DNAJC10: variants seen among roughly 807,000 people sequenced by gnomAD.
DNAJC10 encodes DnaJ heat shock protein family (Hsp40) member C10.
In DNAJC10, 101 loss-of-function variants were observed where a neutral mutation model predicts 115.0. The observed-to-expected ratio is 0.88, with a 90% CI of 0.75 to 1.04. The LOEUF (loss-of-function observed/expected upper bound fraction) is 1.04. Among genes scored for constraint, DNAJC10 ranks in the 50% least tolerant of loss-of-function variants. The pLI is 0.00. For missense variants in DNAJC10, 981 were observed against 928.8 expected, an observed-to-expected ratio of 1.06 and a Z score of -0.73; for synonymous variants, 307 against 301.5, an observed-to-expected ratio of 1.02 and a Z score of -0.19.
chr2:182,753,790 G>A (rs1332759388), intron 16 of DNAJC10, among the ~76,000 whole-genome samples: 1 of 151,970 alleles, frequency 6.6e-6, no homozygotes, highest in Admixed American at 6.6e-5. Flanking sequence ...TACAGTGTTA[G>A]CCAGGATGGT....
intron 14 of DNAJC10, among the ~76,000 whole-genome samples, chr2:182,746,303 A>G (rs993740356): frequency 6.6e-6 from 1 of 152,046 alleles, no homozygotes; most frequent in Non-Finnish European, 1.5e-5. Flanking sequence ...ATCCCTGAGG[A>G]TCTAGACTGA....
In DNAJC10 at chr2:182,751,816, A is replaced by G. The variant is rs192892884; in HGVS notation, c.1434+31A>G. ...TTATTTTTATCTGTCAGATTCTAAC[A>G]TTGTCAGATCTTCTCCTGTTATGGC... On this transcript the variant is annotated intron_variant, in intron 15 of 23. Coordinates refer to ENST00000264065, the MANE Select transcript of DNAJC10 (RefSeq NM_018981.4). The G allele has an allele frequency of 1.8e-3, 2,835 of 1,605,198 alleles. 9 individuals are homozygous for G. Among genetic ancestry groups the G allele is most frequent in the Non-Finnish European group, 1.7e-3 (2,057 of 1,177,514 alleles).
intron 22 of DNAJC10, among the ~76,000 whole-genome samples, chr2:182,767,231 G>A (rs1410655130): frequency 2.6e-5 from 4 of 152,136 alleles, no homozygotes; most frequent in African/African-American, 7.2e-5. Flanking sequence ...AAATAGTAGC[G>A]TTAATAAAAT....
In DNAJC10 at chr2:182,784,804, T is replaced by G. The variant is rs1355705112; in HGVS notation, c.*7672T>G. 6.6e-6 allele frequency: 1 copy of G among 152,196 alleles called. No homozygotes were observed. Among genetic ancestry groups the G allele is most frequent in the Non-Finnish European group, 1.5e-5 (1 of 68,016 alleles). The allele number at this position is 152,196 out of a possible 1,614,324, so 9.4% of individuals were successfully genotyped here. A position where few individuals can be genotyped will look rare whatever the true frequency, so the allele number is the denominator to read the frequency against. ...AACTTTCTCAAAGGATTTTTAGGGC[T>G]TCATAATTTCTTGTTGCTCTGTGTA... On this transcript the variant is annotated 3_prime_UTR_variant, in exon 24 of 24. Transcript: ENST00000264065.
At chr2:182,750,006 C>G (rs901128765) in intron 14 of DNAJC10, among the ~76,000 whole-genome samples, 1 of 152,184 alleles carries the variant, frequency 6.6e-6, no homozygotes, top group East Asian at 1.9e-4. Flanking sequence ...AGTTCCTCAT[C>G]ATGTGGGCCT....
chr2:182,732,427 A>C, intron 9 of DNAJC10, 72 bp from the exon 10 acceptor site: 1 of 1,437,634 alleles, frequency 7.0e-7, no homozygotes, highest in Non-Finnish European at 9.8e-7. Flanking sequence ...AATTTGGGGG[A>C]AAGGCAAATG....
intron 10 of DNAJC10, chr2:182,732,838 CT>C: frequency 2.5e-6 from 1 of 394,984 alleles, no homozygotes; most frequent in Non-Finnish European, 4.5e-6. Flanking sequence ...CCAACTTTAT[CT>C]TTTGTTGTTT....
rs1387760894 is a variant in DNAJC10 at position 182,790,982 on chromosome 2, CTT to C, written c.*13852_*13853del. 6.6e-6 allele frequency: 1 copy of C among 152,042 alleles called. No homozygotes were observed. Among genetic ancestry groups the C allele is most frequent in the Non-Finnish European group, 1.5e-5 (1 of 68,004 alleles). 9.4% of individuals were successfully genotyped at this position (152,042 alleles called of 1,614,324 possible). ...GTTCAACTGTCTATGCTCCTTCTCTCTTTGTTCACTATTTTGATATTTAAATG... is the reference window on the plus strand; with the variant it reads ...GTTCAACTGTCTATGCTCCTTCTCTCTGTTCACTATTTTGATATTTAAATG... On this transcript the variant is annotated 3_prime_UTR_variant, in exon 24 of 24. Transcript: ENST00000264065.
In DNAJC10 at chr2:182,716,268, G is replaced by C. The variant is rs1411070805; in HGVS notation, c.-419G>C. ...GCGCCAGGCCCCGCCCCGGCTCGCC[G>C]TGGAGACCGGCGCGTGAGGAACCTA... is the stretch of plus-strand genomic sequence containing the variant. On this transcript the variant is annotated 5_prime_UTR_variant, in exon 1 of 24. Coordinates refer to ENST00000264065, the MANE Select transcript of DNAJC10 (RefSeq NM_018981.4). 6.6e-6 allele frequency: 1 copy of C among 152,406 alleles called. No homozygotes were observed. Among genetic ancestry groups the C allele is most frequent in the Non-Finnish European group, 1.5e-5 (1 of 68,192 alleles). The allele number at this position is 152,406 out of a possible 1,614,324, so 9.4% of individuals were successfully genotyped here. A position where few individuals can be genotyped will look rare whatever the true frequency, so the allele number is the denominator to read the frequency against.
chr2:182,750,939 C>T lies in DNAJC10; in HGVS notation c.1307-719C>T, dbSNP rs183972541. Among the ~76,000 whole-genome samples the T allele has an allele frequency of 1.1e-3, 160 of 152,090 alleles. 2 individuals carry two copies. Among genetic ancestry groups the T allele is most frequent in the East Asian group, 3.1e-3 (16 of 5,170 alleles). ...TGTGTTTGACGTGTTTACGTGATAT[C>T]CAAGTACAGTTTTTCACTGGGCAGT... is the stretch of plus-strand genomic sequence containing the variant. On this transcript the variant is annotated intron_variant, in intron 14 of 23. Coordinates refer to ENST00000264065, the MANE Select transcript of DNAJC10 (RefSeq NM_018981.4).
chr2:182,762,855 G>T, intron 22 of DNAJC10, 54 bp downstream of exon 22: 1 of 1,568,616 alleles, frequency 6.4e-7, no homozygotes, highest in Non-Finnish European at 8.7e-7. Context: ...CTCAAAAGAT[G>T]TGTTTCAGTC....
intron 5 of DNAJC10, 124 bp from the exon 6 acceptor site, chr2:182,728,452 A>T: frequency 1.7e-6 from 1 of 597,002 alleles, no homozygotes; most frequent in Non-Finnish European, 2.8e-6. Context: ...ACAGAAAATG[A>T]GAAAGACAAT....
At chr2:182,764,888 A>AG (rs1694371143) in intron 22 of DNAJC10, among the ~76,000 whole-genome samples, 1 of 152,140 alleles carries the variant, frequency 6.6e-6, no homozygotes, top group Non-Finnish European at 1.5e-5. Flanking sequence ...CAGATGATAG[A>AG]ACTATTGGAG....
At chr2:182,775,719 C>G (rs979352616) in intron 23 of DNAJC10, among the ~76,000 whole-genome samples, 1 of 152,122 alleles carries the variant, frequency 6.6e-6, no homozygotes, top group Non-Finnish European at 1.5e-5. Flanking sequence ...AAAGAAATGT[C>G]TGTCAACTGA....
intron 22 of DNAJC10, among the ~76,000 whole-genome samples, chr2:182,774,922 A>C (rs1191744948): frequency 1.3e-5 from 2 of 152,240 alleles, no homozygotes; most frequent in East Asian, 3.9e-4. Flanking sequence ...GGAAGTGCAG[A>C]AATCACCTGT....
intron 21 of DNAJC10, among the ~76,000 whole-genome samples, chr2:182,760,372 G>C (rs1020432195): frequency 6.6e-6 from 1 of 152,130 alleles, no homozygotes. Flanking sequence ...AATTTGACCA[G>C]AAATAAAAGG....
intron 11 of DNAJC10, chr2:182,739,933 T>C (rs190721548): frequency 1.0e-6 from 1 of 989,018 alleles, no homozygotes; most frequent in Admixed American, 6.1e-5. Flanking sequence ...CTGTAAAACA[T>C]GATTAGCATT....
chr2:182,769,007 G>C (rs1354008915), intron 22 of DNAJC10, among the ~76,000 whole-genome samples: 1 of 152,036 alleles, frequency 6.6e-6, no homozygotes, highest in Admixed American at 6.6e-5. Flanking sequence ...CCCAGTATGT[G>C]ATGTTCCCCC....
At position 182,794,303 on chromosome 2, in the gene DNAJC10, A is replaced by C. The variant is rs1695104754; in HGVS notation, c.*17171A>C. ...GTACATAGGAAACAATAGATGAAGG[A>C]TAGAAATAATCCATTCAGATTCTCT... On this transcript the variant is annotated 3_prime_UTR_variant, in exon 24 of 24. Coordinates refer to ENST00000264065, the MANE Select transcript of DNAJC10 (RefSeq NM_018981.4). 2.0e-5 allele frequency: 3 copies of C among 152,236 alleles called. No individual in the cohort carries two copies. Among genetic ancestry groups the C allele is most frequent in the Admixed American group, 6.5e-5 (1 of 15,268 alleles). 9.4% of individuals were successfully genotyped at this position (152,236 alleles called of 1,614,324 possible). A position where few individuals can be genotyped will look rare whatever the true frequency, so the allele number is the denominator to read the frequency against.
Sources: allele counts gnomAD v4.1 joint callset (sites outside exome capture counted in the v4.1 genomes callset), GRCh38; gene constraint gnomAD v4.1.1; transcripts MANE v1.5; gene names NCBI Gene and HGNC (gene_info 2026-07-23, HGNC 2026-07-21).